Variants in PTPRM observed in about 807,000 individuals in gnomAD.
PTPRM encodes receptor-type tyrosine-protein phosphatase mu.
In PTPRM, 47 loss-of-function variants were observed where a neutral mutation model predicts 186.7. That is an observed-to-expected ratio of 0.25 (90% CI 0.20 to 0.32). PTPRM has a LOEUF of 0.32. Ranked by LOEUF, PTPRM falls within the 10% of genes least tolerant of loss-of-function variation. PTPRM has a pLI of 1.00. For synonymous variants in PTPRM, 668 were observed against 674.9 expected (o/e 0.99, Z 0.16); for missense variants, 1,494 against 1,865.0 (o/e 0.80, Z 3.66).
intron 2 of PTPRM, among the ~76,000 whole-genome samples, chr18:7,834,526 A>ACACACACACACG (rs1478660652): frequency 6.7e-6 from 1 of 148,974 alleles, no homozygotes; most frequent in Non-Finnish European, 1.5e-5. Context: ...ACACACACAC[A>ACACACACACACG]CACTTCCAGA....
At chr18:7,777,621 T>G (rs1315580101) in intron 2 of PTPRM, among the ~76,000 whole-genome samples, 2 of 152,236 alleles carry the variant, frequency 1.3e-5, no homozygotes, top group Admixed American at 1.3e-4. Context: ...GTTGTTGTTT[T>G]CTATATTCAT....
At chr18:7,921,737 TTTTG>T (rs747556184) in intron 4 of PTPRM, among the ~76,000 whole-genome samples, 5 of 152,142 alleles carry the variant, frequency 3.3e-5, no homozygotes, top group Non-Finnish European at 7.4e-5. Flanking sequence ...TTCTGTTTTT[TTTTG>T]TTTGTTTGTT....
intron 1 of PTPRM, among the ~76,000 whole-genome samples, chr18:7,588,106 C>T (rs1018724214): frequency 6.6e-6 from 1 of 152,044 alleles, no homozygotes; most frequent in African/African-American, 2.4e-5. Context: ...ATATAATGGA[C>T]ACCTAAAATT....
intron 1 of PTPRM, among the ~76,000 whole-genome samples, chr18:7,596,877 A>G (rs949165854): frequency 1.3e-5 from 2 of 148,828 alleles, no homozygotes; most frequent in African/African-American, 5.0e-5. Flanking sequence ...CTTTTTTTTC[A>G]GACAGTTTCT....
At chr18:7,752,886 A>T (rs376967880) in intron 1 of PTPRM, among the ~76,000 whole-genome samples, 30 of 152,154 alleles carry the variant, frequency 2.0e-4, no homozygotes, top group African/African-American at 7.0e-4. Context: ...AGTTACTTTG[A>T]TAGATATTCC....
At chr18:7,981,161 G>T (rs755596371) in intron 7 of PTPRM, among the ~76,000 whole-genome samples, 5 of 151,862 alleles carry the variant, frequency 3.3e-5, no homozygotes, top group Non-Finnish European at 5.9e-5. Flanking sequence ...CTACCTCTCT[G>T]CCCCCCGCCC....
chr18:8,206,484 A>G (rs7229369), intron 14 of PTPRM, among the ~76,000 whole-genome samples: 82,772 of 151,800 alleles, frequency 0.55, 23,955 homozygotes, highest in East Asian at 0.84. Flanking sequence ...TCCTGACCTC[A>G]TCATCTGCCC....
intron 23 of PTPRM, among the ~76,000 whole-genome samples, chr18:8,344,099 G>A (rs1160383981): frequency 6.6e-6 from 1 of 152,164 alleles, no homozygotes. Context: ...GTAGTAGTAT[G>A]CTATAGGATT....
intron 5 of PTPRM, among the ~76,000 whole-genome samples, chr18:7,928,145 G>C (rs755044706): frequency 6.6e-6 from 1 of 152,176 alleles, no homozygotes; most frequent in South Asian, 2.1e-4. Flanking sequence ...ATGCATTCTG[G>C]AGAGGCTTCT....
intron 1 of PTPRM, among the ~76,000 whole-genome samples, chr18:7,672,559 A>G (rs2039242134): frequency 6.6e-6 from 1 of 152,222 alleles, no homozygotes; most frequent in Admixed American, 6.5e-5. Context: ...CACATTTTAA[A>G]GAATACCTGC....
intron 1 of PTPRM, among the ~76,000 whole-genome samples, chr18:7,671,486 G>T (rs2039217028): frequency 6.6e-6 from 1 of 152,134 alleles, no homozygotes; most frequent in South Asian, 2.1e-4. Context: ...AATTAGAAAA[G>T]AAGTATAATA....
At chr18:7,631,906 G>T (rs565536360) in intron 1 of PTPRM, among the ~76,000 whole-genome samples, 19 of 152,310 alleles carry the variant, frequency 1.2e-4, no homozygotes, top group Non-Finnish European at 2.6e-4. Flanking sequence ...ACTAAGTATG[G>T]ATGTTATGAA....
At chr18:8,099,159 T>TTC (rs371620516) in intron 11 of PTPRM, among the ~76,000 whole-genome samples, 2 of 149,444 alleles carry the variant, frequency 1.3e-5, no homozygotes, top group African/African-American at 5.0e-5. Context: ...CTCTCTCTCT[T>TTC]TCTCTCTCTC....
intron 1 of PTPRM, among the ~76,000 whole-genome samples, chr18:7,576,649 A>G (rs2143424931): frequency 6.6e-6 from 1 of 152,170 alleles, no homozygotes; most frequent in African/African-American, 2.4e-5. Context: ...CTAATTAAAG[A>G]AAAAAATTGA....
At chr18:8,029,338 A>G (rs1371547226) in intron 7 of PTPRM, among the ~76,000 whole-genome samples, 3 of 115,844 alleles carry the variant, frequency 2.6e-5, no homozygotes, top group African/African-American at 1.0e-4. Flanking sequence ...TGCCTGGAGC[A>G]CCCCTCCCCC....
intron 14 of PTPRM, among the ~76,000 whole-genome samples, chr18:8,172,922 C>G (rs573266494): frequency 6.6e-6 from 1 of 152,290 alleles, no homozygotes; most frequent in Admixed American, 6.5e-5. Flanking sequence ...ACAATGTTCA[C>G]TGTGTGTATG....
intron 22 of PTPRM, among the ~76,000 whole-genome samples, chr18:8,329,978 T>C (rs189858516): frequency 2.0e-5 from 3 of 152,208 alleles, no homozygotes; most frequent in African/African-American, 7.2e-5. Context: ...TTTTATTTTA[T>C]TTTTTATAGA....
chr18:7,979,772 C>T (rs781522101), intron 7 of PTPRM, among the ~76,000 whole-genome samples: 11 of 152,130 alleles, frequency 7.2e-5, no homozygotes, highest in Non-Finnish European at 1.3e-4. Flanking sequence ...AAGTGTGGAG[C>T]GGACACAGGA....
At chr18:7,588,827 A>C (rs941225568) in intron 1 of PTPRM, among the ~76,000 whole-genome samples, 1 of 152,216 alleles carries the variant, frequency 6.6e-6, no homozygotes, top group East Asian at 1.9e-4. Context: ...ATCTAATTTT[A>C]TAACACCTCA....
Sources: gnomAD v4.1 joint callset for allele counts (sites outside exome capture counted in the v4.1 genomes callset) on GRCh38, gnomAD v4.1.1 for gene constraint, MANE v1.5 for transcripts, NCBI Gene and HGNC (gene_info 2026-07-23, HGNC 2026-07-21) for gene names.